Variants in TRMT2B observed in about 807,000 individuals in gnomAD.
TRMT2B encodes the protein tRNA methyltransferase 2B, also known as tRNA (uracil-5-)-methyltransferase homolog B.
Under a neutral mutation model 39.7 loss-of-function variants are expected in TRMT2B, and 34 were observed. That is an observed-to-expected ratio of 0.86 (90% confidence interval 0.65 to 1.14). The LOEUF (loss-of-function observed/expected upper bound fraction) is 1.14, where lower values mean the gene tolerates loss of function less well. TRMT2B is among the 50% of genes most tolerant of loss of function. The probability of loss-of-function intolerance (pLI) is 0.00; values close to 1 mark genes in which losing one functional copy is unlikely to be tolerated. For synonymous variants in TRMT2B, 132 were observed against 137.3 expected (o/e 0.96, Z 0.27); for missense variants, 318 against 377.2 (o/e 0.84, Z 1.30).
Position 101,042,229 on chromosome X carries a change from C to A in TRMT2B, c.61G>T (p.Gly21Cys). ...HSLRYFISMV[G>C]LFSKPGLLPW... ...AGCAGTCCTGGTTTGGAGAAGAGAC[C>A]CACCATGGAGATGAAGTATCTGAGG... Residue 21 changes from glycine (G) to cysteine (C), a missense_variant, in exon 3 of 14, where the codon GGT becomes TGT. Gly to Cys is a radical substitution (Grantham distance 159, BLOSUM62 -3). Transcript: ENST00000372936. The A allele has an allele frequency of 8.3e-7, 1 of 1,211,703 alleles. No individual in the cohort carries two copies. The highest frequency in any genetic ancestry group is 1.1e-6 in the Non-Finnish European group (1 of 895,411).
At chrX:100,989,608 CAAAA>C in the TRMT2B span, among the ~76,000 whole-genome samples, 2 of 57,327 alleles carry the variant, frequency 3.5e-5, no homozygotes. Flanking sequence ...GACTCCATCT[CAAAA>C]AAAAAAAAAA....
At chrX:101,008,884 C>T (rs2086151047), downstream of TRMT2B, among the ~76,000 whole-genome samples, 1 of 111,533 alleles carries the variant, frequency 9.0e-6, no homozygotes, top group Non-Finnish European at 1.9e-5. Context: ...CTCAGCCCTG[C>T]ATTGCCTTTC....
At chrX:101,017,036 G>A (rs1350642045) in intron 13 of TRMT2B, among the ~76,000 whole-genome samples, 1 of 109,700 alleles carries the variant, frequency 9.1e-6, no homozygotes, top group Non-Finnish European at 1.9e-5. Flanking sequence ...AGCCAGGCAT[G>A]TGGCACGTGC....
the TRMT2B span, chrX:100,987,569 C>T: frequency 4.6e-5 from 55 of 1,203,686 alleles, no homozygotes; most frequent in Non-Finnish European, 5.8e-5. Context: ...ACTGAGATGC[C>T]GCTATGAGAT....
At chrX:101,045,616 A>AAAAC (rs140738955) in intron 2 of TRMT2B, among the ~76,000 whole-genome samples, 1,045 of 99,400 alleles carry the variant, frequency 0.011, 5 homozygotes, top group Non-Finnish European at 0.016. Flanking sequence ...CTAAAAATAC[A>AAAAC]AAACAAACAA....
chrX:101,030,482 G>A (rs921054965), intron 7 of TRMT2B, among the ~76,000 whole-genome samples: 2 of 38,939 alleles, frequency 5.1e-5, no homozygotes, highest in African/African-American at 2.0e-4. Context: ...ATGGAGTCTC[G>A]CTCTTTTACC....
At chrX:100,984,284 GT>G in the TRMT2B span, among the ~76,000 whole-genome samples, 1 of 107,143 alleles carries the variant, frequency 9.3e-6, no homozygotes, top group African/African-American at 3.4e-5. Context: ...CGGCTAAGTT[GT>G]TTTTTGTTTT....
chrX:101,049,980 C>T (rs752022147), intron 2 of TRMT2B, among the ~76,000 whole-genome samples: 6 of 111,550 alleles, frequency 5.4e-5, no homozygotes, highest in African/African-American at 6.5e-5. Context: ...GGTCCTGTCC[C>T]TCCAGTCAGC....
At chrX:100,975,789 C>T in the TRMT2B span, among the ~76,000 whole-genome samples, 1 of 110,173 alleles carries the variant, frequency 9.1e-6, no homozygotes, top group African/African-American at 3.3e-5. Flanking sequence ...TGCACCACCA[C>T]GCCTGGCTGA....
the TRMT2B span, chrX:100,990,484 A>G: frequency 9.9e-7 from 1 of 1,011,798 alleles, no homozygotes; most frequent in Non-Finnish European, 1.3e-6. Context: ...TAATATTTCT[A>G]CACTCCCCAT....
intron 4 of TRMT2B, 137 bp downstream of exon 4, chrX:101,041,180 G>T (rs1255410345): frequency 2.7e-5 from 13 of 488,452 alleles, no homozygotes; most frequent in Non-Finnish European, 3.3e-5. Context: ...CTGCAGCCTG[G>T]GCGACAGAGC....
intron 8 of TRMT2B, 41 bp downstream of exon 8, chrX:101,023,429 G>A: frequency 8.4e-7 from 1 of 1,183,582 alleles, no homozygotes; most frequent in Middle Eastern, 2.3e-4. Context: ...ATAGTTAGTA[G>A]TAGTAAAAGT....
intron 7 of TRMT2B, among the ~76,000 whole-genome samples, chrX:101,024,833 A>G (rs1205437542): frequency 1.8e-5 from 2 of 109,331 alleles, no homozygotes; most frequent in African/African-American, 3.3e-5. Context: ...AAAAACAGCA[A>G]CAACAACAAC....
At chrX:101,004,530 T>C (rs2086088097), downstream of TRMT2B, among the ~76,000 whole-genome samples, 1 of 110,257 alleles carries the variant, frequency 9.1e-6, no homozygotes, top group African/African-American at 3.3e-5. Context: ...AGATGGAGTT[T>C]TGCTCTTGTT....
At position 101,033,398 on chromosome X, in the gene TRMT2B, C is replaced by T. The variant is rs1369241606; in HGVS notation, c.609+2215G>A. ...TCACCTGAGGTCAGAAGTTCGAGACCAGCCTGGCTAACATGGTGAAACCTC... is the reference window on the plus strand; with the variant it reads ...TCACCTGAGGTCAGAAGTTCGAGACTAGCCTGGCTAACATGGTGAAACCTC... On this transcript the variant is annotated intron_variant, in intron 7 of 13. Coordinates refer to ENST00000372936, the MANE Select transcript of TRMT2B (RefSeq NM_024917.6). 2.7e-5 allele frequency among the ~76,000 whole-genome samples: 3 copies of T among 109,818 alleles called. No homozygotes were observed. In the Admixed American group the frequency reaches 3.0e-4, roughly 11 times the overall value.
chrX:100,984,024 G>A, the TRMT2B span, among the ~76,000 whole-genome samples: 1 of 111,566 alleles, frequency 9.0e-6, no homozygotes, highest in Non-Finnish European at 1.9e-5. Flanking sequence ...CTACTAATGT[G>A]GGAAGAGAGC....
At chrX:101,043,937 A>T (rs184112516) in intron 2 of TRMT2B, among the ~76,000 whole-genome samples, 18 of 112,156 alleles carry the variant, frequency 1.6e-4, no homozygotes, top group Admixed American at 1.4e-3. Flanking sequence ...AAAATGAAAT[A>T]AGGAGGCTGA....
chrX:100,999,032 G>A, the TRMT2B span, among the ~76,000 whole-genome samples: 60 of 112,159 alleles, frequency 5.3e-4, no homozygotes, highest in Middle Eastern at 4.6e-3. Flanking sequence ...AAGGCAAATG[G>A]TAAATACCAA....
At chrX:101,019,451 G>A in intron 11 of TRMT2B, 48 bp from the exon 12 acceptor site, 8 of 1,201,019 alleles carry the variant, frequency 6.7e-6, no homozygotes, top group Non-Finnish European at 6.7e-6. Context: ...AGCAGTAAGG[G>A]AAAGCTTCAG....
Sources: allele counts gnomAD v4.1 joint callset (sites outside exome capture counted in the v4.1 genomes callset), GRCh38; gene constraint gnomAD v4.1.1; transcripts MANE v1.5; gene names NCBI Gene and HGNC (gene_info 2026-07-23, HGNC 2026-07-21).